Variants in SMARCAL1 observed in about 807,000 individuals in gnomAD.
SMARCAL1 encodes ATP-driven annealing helicase.
SMARCAL1 carries 58 observed loss-of-function variants against 94.5 expected under a neutral mutation model. That is an observed-to-expected ratio of 0.61 (90% CI 0.50 to 0.76). The LOEUF (loss-of-function observed/expected upper bound fraction) is 0.76. Ranked by LOEUF, SMARCAL1 falls within the 30% of genes least tolerant of loss-of-function variation. The pLI, the probability that SMARCAL1 is intolerant of heterozygous loss-of-function variation, is 0.00. For synonymous variants in SMARCAL1, 422 were observed against 455.1 expected (o/e 0.93, Z 0.93); for missense variants, 1,051 against 1,177.9 (o/e 0.89, Z 1.58).
intron 3 of SMARCAL1, chr2:216,415,913 G>C: frequency 2.5e-6 from 1 of 405,070 alleles, no homozygotes; most frequent in Non-Finnish European, 4.6e-6. Context: ...GGCAGCGTCA[G>C]GATGTGACTA....
intron 10 of SMARCAL1, among the ~76,000 whole-genome samples, chr2:216,445,419 G>T (rs1694288809): frequency 6.6e-6 from 1 of 152,142 alleles, no homozygotes; most frequent in African/African-American, 2.4e-5. Context: ...CTAGTCTAGG[G>T]AGTGTATGGG....
At chr2:216,477,945 A>G (rs1208548481) in intron 16 of SMARCAL1, among the ~76,000 whole-genome samples, 1 of 152,174 alleles carries the variant, frequency 6.6e-6, no homozygotes, top group African/African-American at 2.4e-5. Context: ...TTGTGTTGAA[A>G]TGAGGCAGCA....
chr2:216,476,211 T>A (rs2106087450), intron 15 of SMARCAL1, among the ~76,000 whole-genome samples: 1 of 152,196 alleles, frequency 6.6e-6, no homozygotes, highest in Non-Finnish European at 1.5e-5. Context: ...TTTAATAATA[T>A]TGTGGTTTTT....
intron 6 of SMARCAL1, 36 bp downstream of exon 6, chr2:216,423,719 A>T (rs1223123945): frequency 1.3e-6 from 2 of 1,540,268 alleles, no homozygotes; most frequent in Non-Finnish European, 1.8e-6. Context: ...ATATCATGCT[A>T]TTGTTAAGCT....
In SMARCAL1 at chr2:216,450,865, A is replaced by G. The variant is rs372383320; in HGVS notation, c.1871A>G (p.Tyr624Cys). Residue 624 changes from tyrosine to cysteine, a missense_variant, in exon 12 of 18, where the codon TAC (tyrosine) becomes TGC (cysteine). Coordinates refer to ENST00000357276, the MANE Select transcript of SMARCAL1 (RefSeq NM_014140.4). ...DAKRMPWGWD[Y>C]SGSSNLGELK... ...CTGCAGATGCCTTGGGGGTGGGACT[A>G]CTCAGGTTCCTCCAACCTGGGAGAG... The G allele has an allele frequency of 3.1e-6, 5 of 1,613,800 alleles. No individual in the cohort carries two copies. In the African/African-American group the frequency reaches 4.0e-5, roughly 13 times the overall value.
intron 9 of SMARCAL1, among the ~76,000 whole-genome samples, chr2:216,438,104 T>C (rs1694116040): frequency 6.6e-6 from 1 of 152,218 alleles, no homozygotes; most frequent in Admixed American, 6.5e-5. Flanking sequence ...AGGTGCCTCT[T>C]ACAAAGCAGC....
rs1338985189 is a variant in SMARCAL1 at position 216,415,005 on chromosome 2, CCAGAAGAAATGCCCA to C, written c.305_319del (p.Glu102_Thr106del). ...TCAGGCAAAGGGAATATGGAAAAAG[CCAGAAGAAATGCCCA>C]CAGCCTGCCCAGGCCACAGTCCACG... On this transcript the variant is annotated inframe_deletion, in exon 3 of 18. Coordinates refer to ENST00000357276, the MANE Select transcript of SMARCAL1 (RefSeq NM_014140.4). 2.8e-5 allele frequency: 46 copies of C among 1,614,084 alleles called. No individual in the cohort carries two copies. The highest frequency in any genetic ancestry group is 3.7e-5 in the Non-Finnish European group (44 of 1,180,040).
chr2:216,448,640 A>G (rs1440270774), intron 11 of SMARCAL1, among the ~76,000 whole-genome samples: 2 of 152,140 alleles, frequency 1.3e-5, no homozygotes, highest in Non-Finnish European at 2.9e-5. Context: ...TTTTCAATTA[A>G]AGCTTGTTGG....
At chr2:216,447,217 T>G in intron 11 of SMARCAL1, 59 bp downstream of exon 11, 2 of 1,582,564 alleles carry the variant, frequency 1.3e-6, no homozygotes, top group East Asian at 2.2e-5. Flanking sequence ...TTGACACTTA[T>G]CTTTCTCTTC....
At chr2:216,466,519 T>C (rs1694832454) in intron 13 of SMARCAL1, among the ~76,000 whole-genome samples, 1 of 152,208 alleles carries the variant, frequency 6.6e-6, no homozygotes, top group East Asian at 1.9e-4. Context: ...CTAGTTGTTT[T>C]TCTTTTCTTT....
rs1411801946 is a variant in SMARCAL1, at chr2:216,418,414, A to G, written c.863-1885A>G. ...TACACACTTGAGCTTTTGCCTGCTG[A>G]GATAAACCTTGAAATTCCTTGCCAT... On this transcript the variant is annotated intron_variant, in intron 4 of 17. Transcript: ENST00000357276. Among the ~76,000 whole-genome samples, 4 of 152,364 alleles carry G rather than the reference A, an allele frequency of 2.6e-5. No homozygotes were observed. The East Asian group carries it at 5.8e-4, about 22-fold the overall frequency.
chr2:216,425,317 C>A (rs1045491731), intron 6 of SMARCAL1, among the ~76,000 whole-genome samples: 3 of 152,248 alleles, frequency 2.0e-5, no homozygotes, highest in African/African-American at 7.2e-5. Flanking sequence ...TATGAGGCTG[C>A]AGCTGGACTA....
At chr2:216,468,443 T>C (rs1394265086) in intron 14 of SMARCAL1, among the ~76,000 whole-genome samples, 1 of 152,226 alleles carries the variant, frequency 6.6e-6, no homozygotes, top group African/African-American at 2.4e-5. Flanking sequence ...AAAGCACTTT[T>C]ATTAATTCCA....
At chr2:216,431,282 TTC>T (rs1693958612) in intron 7 of SMARCAL1, among the ~76,000 whole-genome samples, 1 of 152,246 alleles carries the variant, frequency 6.6e-6, no homozygotes, top group Non-Finnish European at 1.5e-5. Flanking sequence ...AGAGGTGACA[TTC>T]TCTGTTTTCA....
intron 12 of SMARCAL1, among the ~76,000 whole-genome samples, chr2:216,464,165 T>C (rs903549317): frequency 6.6e-6 from 1 of 152,232 alleles, no homozygotes; most frequent in Non-Finnish European, 1.5e-5. Context: ...AGTCACAGCT[T>C]GGCAGAAGAA....
chr2:216,415,428 G>A lies in SMARCAL1; in HGVS notation c.724G>A (p.Val242Ile), dbSNP rs375140716. 25 of 1,614,236 alleles carry A rather than the reference G, an allele frequency of 1.5e-5. No homozygotes were observed. Among genetic ancestry groups the A allele is most frequent in the East Asian group, 8.9e-5 (4 of 44,884 alleles). The change falls in exon 3 of 18, where the codon GTA (valine) becomes ATA (isoleucine). Residue 242 changes from valine (V) to isoleucine (I), a missense_variant. Around this residue, in one of 3 missense-constraint regions of SMARCAL1, gnomAD observed 398 missense variants for 395.2 expected, o/e 1.01. Coordinates refer to ENST00000357276, the MANE Select transcript of SMARCAL1 (RefSeq NM_014140.4). ...KGVNSQKGKC[V>I]RNGDRFQVLI... ...AGTGAACTCTCAGAAGGGAAAGTGC[G>A]TAAGGAACGGCGATCGTTTCCAGGT... is the stretch of plus-strand genomic sequence containing the variant.
intron 8 of SMARCAL1, among the ~76,000 whole-genome samples, chr2:216,434,697 T>A (rs1179990824): frequency 6.6e-6 from 1 of 151,186 alleles, no homozygotes; most frequent in Non-Finnish European, 1.5e-5. Flanking sequence ...AGAAAGAAAT[T>A]AGCCAAGTAT....
intron 12 of SMARCAL1, among the ~76,000 whole-genome samples, chr2:216,463,996 C>T (rs963961412): frequency 3.3e-5 from 5 of 152,272 alleles, no homozygotes; most frequent in African/African-American, 7.2e-5. Context: ...GAGCCGAGAT[C>T]GCGCCACTGC....
chr2:216,431,030 AG>A (rs1167919606), intron 7 of SMARCAL1, among the ~76,000 whole-genome samples: 1 of 152,188 alleles, frequency 6.6e-6, no homozygotes, highest in Non-Finnish European at 1.5e-5. Flanking sequence ...GTGGAGGGTG[AG>A]GCCGCCAAAG....
Sources: allele counts gnomAD v4.1 joint callset (sites outside exome capture counted in the v4.1 genomes callset), GRCh38; gene constraint gnomAD v4.1.1; regional missense constraint gnomAD v4.1.1; transcripts MANE v1.5; gene names NCBI Gene and HGNC (gene_info 2026-07-23, HGNC 2026-07-21).